The following GABRB2 variants were observed in gnomAD, a reference collection of about 807,000 sequenced individuals.
The protein encoded by GABRB2 is gamma-aminobutyric acid receptor subunit beta-2.
A neutral mutation model predicts 54.7 loss-of-function variants in GABRB2; 16 were observed. The ratio of observed to expected loss-of-function variants is 0.29; its 90% confidence interval spans 0.20 to 0.44. The LOEUF is 0.44. Ranked by LOEUF, GABRB2 falls within the 20% of genes least tolerant of loss-of-function variation. The pLI, the probability that GABRB2 is intolerant of heterozygous loss-of-function variation, is 1.00. For missense variants in GABRB2, 355 were observed against 644.0 expected, an observed-to-expected ratio of 0.55 and a Z score of 4.86; for synonymous variants, 244 against 233.8, an observed-to-expected ratio of 1.04 and a Z score of -0.40.
At chr5:161,332,060 G>C (rs1025730469) in intron 7 of GABRB2, among the ~76,000 whole-genome samples, 1 of 151,426 alleles carries the variant, frequency 6.6e-6, no homozygotes, top group Admixed American at 6.6e-5. Context: ...CAGCTACTCG[G>C]GAGGCTGAGG....
At chr5:161,333,504 A>G (rs1346237515) in intron 7 of GABRB2, among the ~76,000 whole-genome samples, 1 of 152,216 alleles carries the variant, frequency 6.6e-6, no homozygotes, top group Non-Finnish European at 1.5e-5. Flanking sequence ...ATTTTAACCC[A>G]GTAGCCGAAG....
intron 5 of GABRB2, among the ~76,000 whole-genome samples, chr5:161,361,226 A>G (rs1315293898): frequency 6.6e-6 from 1 of 152,094 alleles, no homozygotes; most frequent in African/African-American, 2.4e-5. Context: ...TAAAAAAATG[A>G]TATATCTAAA....
intron 3 of GABRB2, among the ~76,000 whole-genome samples, chr5:161,479,429 C>T (rs565018343): frequency 1.5e-4 from 23 of 151,948 alleles, no homozygotes; most frequent in Non-Finnish European, 2.4e-4. Flanking sequence ...GTCCTTCCTG[C>T]GTGATATATA....
At chr5:161,547,133 CG>C (rs1761012341), upstream of GABRB2, 1 of 145,932 alleles carries the variant, frequency 6.9e-6, no homozygotes, top group African/African-American at 2.6e-5. Flanking sequence ...CAGCCGGACA[CG>C]GGGCAAGGAG....
intron 9 of GABRB2, among the ~76,000 whole-genome samples, chr5:161,308,009 C>T (rs1352637345): frequency 7.9e-5 from 12 of 151,906 alleles, no homozygotes; most frequent in Non-Finnish European, 1.8e-4. Context: ...CAGGCGCCCA[C>T]CACCACACCC....
intron 5 of GABRB2, among the ~76,000 whole-genome samples, chr5:161,379,303 T>C (rs1755395586): frequency 6.6e-6 from 1 of 152,134 alleles, no homozygotes; most frequent in Non-Finnish European, 1.5e-5. Flanking sequence ...CTCATTTTCA[T>C]GATGTGGAGC....
intron 5 of GABRB2, among the ~76,000 whole-genome samples, chr5:161,380,545 G>C (rs1755433772): frequency 6.6e-6 from 1 of 152,060 alleles, no homozygotes; most frequent in Admixed American, 6.6e-5. Context: ...CATTCTGACA[G>C]TTGAGGGGAA....
At chr5:161,496,388 G>A (rs1020914423) in intron 3 of GABRB2, among the ~76,000 whole-genome samples, 50 of 151,626 alleles carry the variant, frequency 3.3e-4, no homozygotes, top group African/African-American at 1.1e-3. Flanking sequence ...ATTAAAATGC[G>A]GTTTATTGAT....
At chr5:161,488,125 C>T (rs1428895954) in intron 3 of GABRB2, among the ~76,000 whole-genome samples, 3 of 151,750 alleles carry the variant, frequency 2.0e-5, no homozygotes, top group Admixed American at 1.3e-4. Context: ...AGTAGGATTA[C>T]TGCTTCAAGG....
chr5:161,298,540 C>G (rs1757447394), intron 9 of GABRB2, among the ~76,000 whole-genome samples: 1 of 152,188 alleles, frequency 6.6e-6, no homozygotes, highest in Admixed American at 6.5e-5. Context: ...TAGTAACTCA[C>G]TTCACCTCTT....
At chr5:161,430,457 G>C (rs1339177777) in intron 4 of GABRB2, among the ~76,000 whole-genome samples, 1 of 152,056 alleles carries the variant, frequency 6.6e-6, no homozygotes, top group African/African-American at 2.4e-5. Context: ...ACATGCCTTG[G>C]GTAGCTACCC....
At chr5:161,538,808 G>T (rs572923862) in intron 3 of GABRB2, among the ~76,000 whole-genome samples, 2 of 151,150 alleles carry the variant, frequency 1.3e-5, no homozygotes, top group Non-Finnish European at 2.9e-5. Flanking sequence ...GCAACAAAGC[G>T]AGACAACTGT....
chr5:161,481,269 G>A (rs1462407339), intron 3 of GABRB2, among the ~76,000 whole-genome samples: 2 of 152,034 alleles, frequency 1.3e-5, no homozygotes, highest in East Asian at 1.9e-4. Context: ...CAGAATCTTT[G>A]TAACTATGAG....
chr5:161,502,653 G>A (rs181502080), intron 3 of GABRB2, among the ~76,000 whole-genome samples: 8 of 152,254 alleles, frequency 5.3e-5, no homozygotes, highest in South Asian at 2.1e-4. Context: ...ATTGAGGTTC[G>A]TAAACACCAC....
chr5:161,499,665 A>T (rs757400556), intron 3 of GABRB2, among the ~76,000 whole-genome samples: 27 of 152,232 alleles, frequency 1.8e-4, no homozygotes, highest in Non-Finnish European at 2.8e-4. Flanking sequence ...CTAATATAAG[A>T]ACTATCCAGG....
intron 5 of GABRB2, among the ~76,000 whole-genome samples, chr5:161,358,502 C>T (rs951738868): frequency 3.3e-5 from 5 of 151,950 alleles, no homozygotes; most frequent in Non-Finnish European, 7.4e-5. Context: ...GAAGAAATAA[C>T]AGCATGTTTC....
At chr5:161,412,998 T>TCTCACATCCTCTCA (rs1756564270) in intron 4 of GABRB2, among the ~76,000 whole-genome samples, 1 of 152,164 alleles carries the variant, frequency 6.6e-6, no homozygotes, top group African/African-American at 2.4e-5. Flanking sequence ...CTCAACCTCC[T>TCTCACATCCTCTCA]GGTCTCAAGC....
chr5:161,355,612 A>C (rs1754599605), intron 5 of GABRB2, among the ~76,000 whole-genome samples: 1 of 151,992 alleles, frequency 6.6e-6, no homozygotes, highest in South Asian at 2.1e-4. Flanking sequence ...TTTACACAAC[A>C]GAAAAAATTG....
rs113813686 is a variant in GABRB2, at chr5:161,460,518, C to T, written c.238-674G>A. On this transcript the variant is annotated intron_variant, in intron 3 of 9. Coordinates refer to ENST00000393959, the MANE Select transcript of GABRB2 (RefSeq NM_001371727.1). ...TACCTAATGATTAATTTGTGCTTCC[C>T]AAAGTGGAGTACACGGGACTCTTTT... is the stretch of plus-strand genomic sequence containing the variant. Among the ~76,000 whole-genome samples the T allele has an allele frequency of 8.5e-4, 130 of 152,128 alleles. 1 individual carries two copies. The highest frequency in any genetic ancestry group is 3.0e-3 in the African/African-American group (125 of 41,506).
Sources: allele counts gnomAD v4.1 joint callset (sites outside exome capture counted in the v4.1 genomes callset), GRCh38; gene constraint gnomAD v4.1.1; transcripts MANE v1.5; gene names NCBI Gene and HGNC (gene_info 2026-07-23, HGNC 2026-07-21).